Variants in ADGRL3 observed in about 807,000 individuals in gnomAD.
The protein encoded by ADGRL3 is adhesion G protein-coupled receptor L3.
Under a neutral mutation model 153.5 loss-of-function variants are expected in ADGRL3, and 62 were observed. The observed-to-expected ratio is 0.40, with a 90% CI of 0.33 to 0.50. ADGRL3 has a LOEUF of 0.50. ADGRL3 is among the 20% of genes least tolerant of loss of function. The pLI is 0.47. For synonymous variants in ADGRL3, 710 were observed against 672.5 expected, an observed-to-expected ratio of 1.06 and a Z score of -0.86; for missense variants, 1,641 against 1,859.4, an observed-to-expected ratio of 0.88 and a Z score of 2.16.
intron 6 of ADGRL3, among the ~76,000 whole-genome samples, chr4:61,684,611 C>G (rs2095409344): frequency 6.6e-6 from 1 of 152,032 alleles, no homozygotes; most frequent in East Asian, 1.9e-4. Context: ...GGGCCAGATT[C>G]AGCCTGCCGA....
intron 5 of ADGRL3, among the ~76,000 whole-genome samples, chr4:61,660,910 C>T (rs2094575238): frequency 1.3e-5 from 2 of 151,936 alleles, no homozygotes; most frequent in South Asian, 4.1e-4. Flanking sequence ...TCTTTAGAAA[C>T]CCTGTTTTGT....
intron 2 of ADGRL3, among the ~76,000 whole-genome samples, chr4:61,396,936 C>T (rs2096874817): frequency 8.9e-6 from 1 of 111,876 alleles, no homozygotes; most frequent in Non-Finnish European, 1.9e-5. Context: ...ATTTGTTAGC[C>T]TAGTAAGGAA....
At chr4:61,644,268 G>GATTTTTT (rs534607455) in intron 5 of ADGRL3, among the ~76,000 whole-genome samples, 46,390 of 144,770 alleles carry the variant, frequency 0.32, 9,212 homozygotes, top group Non-Finnish European at 0.47. Flanking sequence ...TTTTTGAAGG[G>GATTTTTT]TTTTTTGTGT....
chr4:61,925,401 C>T (rs914726037), intron 13 of ADGRL3, among the ~76,000 whole-genome samples: 3 of 152,048 alleles, frequency 2.0e-5, no homozygotes, highest in Non-Finnish European at 4.4e-5. Flanking sequence ...TTTAATAAGC[C>T]TACTTAAATT....
intron 21 of ADGRL3, among the ~76,000 whole-genome samples, chr4:62,017,807 TC>T (rs1270697253): frequency 6.6e-6 from 1 of 152,120 alleles, no homozygotes; most frequent in African/African-American, 2.4e-5. Flanking sequence ...AAAGAAATCT[TC>T]CATGTTTTCT....
chr4:61,765,373 C>G (rs2096964401), intron 8 of ADGRL3, among the ~76,000 whole-genome samples: 1 of 152,118 alleles, frequency 6.6e-6, no homozygotes. Context: ...CTGTAGCATT[C>G]TGAAGACAGG....
At chr4:61,538,742 T>G (rs960201937) in intron 4 of ADGRL3, among the ~76,000 whole-genome samples, 1 of 152,058 alleles carries the variant, frequency 6.6e-6, no homozygotes, top group Non-Finnish European at 1.5e-5. Context: ...ATGCCTGGCC[T>G]GATAGCAGGA....
intron 21 of ADGRL3, among the ~76,000 whole-genome samples, chr4:62,007,988 G>A (rs1488508321): frequency 6.6e-6 from 1 of 152,102 alleles, no homozygotes; most frequent in Non-Finnish European, 1.5e-5. Context: ...GGTGAATCTA[G>A]CTTTTCAAAT....
At chr4:61,993,416 C>T (rs142993829) in intron 19 of ADGRL3, among the ~76,000 whole-genome samples, 2,365 of 150,398 alleles carry the variant, frequency 0.016, 74 homozygotes, top group African/African-American at 0.054. Flanking sequence ...CTCAGCCTCC[C>T]GATTAGCTGG....
Position 61,978,203 on chromosome 4 carries a change from A to G in ADGRL3, c.2806-1360A>G, listed in dbSNP as rs187702457. 1.3e-3 allele frequency among the ~76,000 whole-genome samples: 193 copies of G among 152,234 alleles called. 1 individual carries two copies. The highest frequency in any genetic ancestry group is 4.4e-3 in the African/African-American group (183 of 41,542). ...AAGACAACTCCTTCTTGTCAACTCA[A>G]AATTTTCCCATGTACATGTTTATAC... On this transcript the variant is annotated intron_variant, in intron 17 of 26. Coordinates refer to ENST00000683033, the MANE Select transcript of ADGRL3 (RefSeq NM_001387552.1).
At chr4:61,678,585 G>T (rs1485678201) in intron 6 of ADGRL3, among the ~76,000 whole-genome samples, 1 of 151,774 alleles carries the variant, frequency 6.6e-6, no homozygotes, top group Non-Finnish European at 1.5e-5. Flanking sequence ...TTTACCACAG[G>T]TTTCCTTTCT....
At chr4:61,414,824 T>A (rs892191303) in intron 2 of ADGRL3, among the ~76,000 whole-genome samples, 1 of 151,962 alleles carries the variant, frequency 6.6e-6, no homozygotes, top group African/African-American at 2.4e-5. Context: ...GTAAAGGACA[T>A]AATCAGTTTT....
chr4:61,979,095 G>A (rs1216318226), intron 17 of ADGRL3, among the ~76,000 whole-genome samples: 1 of 152,098 alleles, frequency 6.6e-6, no homozygotes, highest in Admixed American at 6.6e-5. Context: ...CAAAGGAATT[G>A]CATTTTTAAT....
intron 21 of ADGRL3, among the ~76,000 whole-genome samples, chr4:62,012,401 C>G (rs555389080): frequency 2.0e-5 from 3 of 152,152 alleles, no homozygotes; most frequent in African/African-American, 4.8e-5. Context: ...TTACTATGTG[C>G]TAGGCACTGT....
rs905320007 is a variant in ADGRL3 at position 61,809,402 on chromosome 4, T to C, written c.1400-4407T>C. Among the ~76,000 whole-genome samples, 7 of 152,178 alleles carry C rather than the reference T, an allele frequency of 4.6e-5. No individual in the cohort carries two copies. In the East Asian group the frequency reaches 1.3e-3, roughly 29 times the overall value. ...AATGGGTTAGGGGAAAAGCATCTGA[T>C]AGCAGCATATTTAGTTCTTTAAGTC... On this transcript the variant is annotated intron_variant, in intron 8 of 26. Coordinates refer to ENST00000683033, the MANE Select transcript of ADGRL3 (RefSeq NM_001387552.1).
chr4:61,983,479 G>T lies in ADGRL3; in HGVS notation c.3112G>T (p.Val1038Leu). 1 of 1,613,934 alleles carries T rather than the reference G, an allele frequency of 6.2e-7. No homozygotes were observed. Among genetic ancestry groups the T allele is most frequent in the Non-Finnish European group, 8.5e-7 (1 of 1,179,874 alleles). ...GGGGGTGCAGCTTTATATCATGCTG[G>T]TGGAGGTTTTTGAGAGTGAACATTC... Reference protein sequence around the residue: ...LEGVQLYIMLVEVFESEHSRR... With the variant: ...LEGVQLYIMLLEVFESEHSRR... The change falls in exon 19 of 27, where the codon GTG becomes TTG. Residue 1038 changes from valine (V) to leucine (L), a missense_variant. By Grantham distance (32) the Val-to-Leu change is conservative. Transcript: ENST00000683033.
intron 2 of ADGRL3, among the ~76,000 whole-genome samples, chr4:61,445,363 A>G (rs911077421): frequency 6.6e-6 from 1 of 152,240 alleles, no homozygotes; most frequent in Non-Finnish European, 1.5e-5. Flanking sequence ...TGAACATTCC[A>G]TTTATGATGT....
chr4:61,631,601 C>A (rs1457469502), intron 5 of ADGRL3, among the ~76,000 whole-genome samples: 1 of 152,020 alleles, frequency 6.6e-6, no homozygotes, highest in African/African-American at 2.4e-5. Flanking sequence ...CTATACATTA[C>A]CGTTAAAATA....
chr4:61,268,938 T>A (rs2093006773), intron 1 of ADGRL3, among the ~76,000 whole-genome samples: 1 of 151,706 alleles, frequency 6.6e-6, no homozygotes, highest in Admixed American at 6.6e-5. Context: ...CCCTTTATAC[T>A]TAGAGCTTTA....
Sources: allele counts gnomAD v4.1 joint callset (sites outside exome capture counted in the v4.1 genomes callset), GRCh38; gene constraint gnomAD v4.1.1; transcripts MANE v1.5; gene names NCBI Gene and HGNC (gene_info 2026-07-23, HGNC 2026-07-21).